Variants in RALB observed in about 807,000 individuals in gnomAD.
The protein encoded by RALB is ras-related protein Ral-B.
RALB carries 16 observed loss-of-function variants against 21.3 expected under a neutral mutation model. The ratio of observed to expected loss-of-function variants is 0.75; its 90% CI spans 0.51 to 1.14. RALB has a LOEUF of 1.14. Among genes scored for constraint, RALB ranks in the 50% most tolerant of loss-of-function variants. The pLI is 0.00. For missense variants in RALB, 161 were observed against 256.2 expected, an observed-to-expected ratio of 0.63 and a Z score of 2.54; for synonymous variants, 93 against 96.1, an observed-to-expected ratio of 0.97 and a Z score of 0.19.
rs1363531153 is a variant in RALB at position 120,292,226 on chromosome 2, T to C, written c.502-915T>C. Among the ~76,000 whole-genome samples, 5 of 152,156 alleles carry C rather than the reference T, an allele frequency of 3.3e-5. No individual in the cohort carries two copies. In the East Asian group the frequency reaches 7.7e-4, roughly 23 times the overall value. ...GACATCACAAGGGTCGGAGGAGTGG[T>C]TGTCCTGAGATTGAGGGTGGGGGAG... On this transcript the variant is annotated intron_variant, in intron 4 of 4. Coordinates refer to ENST00000272519, the MANE Select transcript of RALB (RefSeq NM_002881.3).
chr2:120,245,061 C>T (rs756839759), intron 1 of RALB, among the ~76,000 whole-genome samples: 2 of 152,226 alleles, frequency 1.3e-5, no homozygotes, highest in African/African-American at 2.4e-5. Flanking sequence ...GTGGGACCTT[C>T]GAGCCACGCT....
chr2:120,279,459 A>C (rs2104639045), intron 2 of RALB, among the ~76,000 whole-genome samples: 1 of 152,342 alleles, frequency 6.6e-6, no homozygotes, highest in South Asian at 2.1e-4. Context: ...CCCAATGAAA[A>C]ATAACAATGC....
At chr2:120,249,071 G>A (rs1573317001), upstream of RALB, among the ~76,000 whole-genome samples, 2 of 141,002 alleles carry the variant, frequency 1.4e-5, no homozygotes, top group East Asian at 4.1e-4. Context: ...GTCTTGCTCT[G>A]TTGCCCAGGC....
chr2:120,284,974 C>G (rs1227292723), intron 2 of RALB, among the ~76,000 whole-genome samples: 13 of 152,142 alleles, frequency 8.5e-5, no homozygotes, highest in Admixed American at 8.5e-4. Context: ...TCATTCCTTT[C>G]TCAAAAACCC....
chr2:120,259,640 T>C (rs1689300102), intron 1 of RALB, among the ~76,000 whole-genome samples: 1 of 152,190 alleles, frequency 6.6e-6, no homozygotes. Flanking sequence ...GAGCTAGATA[T>C]AAAGACTCTC....
At chr2:120,266,888 C>G (rs1689517699) in intron 1 of RALB, among the ~76,000 whole-genome samples, 1 of 152,120 alleles carries the variant, frequency 6.6e-6, no homozygotes, top group Non-Finnish European at 1.5e-5. Context: ...GTGGGACAAA[C>G]AGACCTCATC....
At chr2:120,272,388 GTATACGGA>G (rs1689685642) in intron 1 of RALB, among the ~76,000 whole-genome samples, 1 of 152,180 alleles carries the variant, frequency 6.6e-6, no homozygotes, top group Non-Finnish European at 1.5e-5. Flanking sequence ...TAGGGACAAA[GTATACGGA>G]TACCTGCAAT....
At chr2:120,292,757 G>A (rs1222031839) in intron 4 of RALB, among the ~76,000 whole-genome samples, 5 of 151,842 alleles carry the variant, frequency 3.3e-5, no homozygotes, top group African/African-American at 1.2e-4. Flanking sequence ...TTCAAGACCC[G>A]CCTGGGCAAT....
rs1689092961 is a variant in RALB at position 120,252,972 on chromosome 2, T to C, written c.-56T>C. 3.0e-6 allele frequency: 3 copies of C among 984,756 alleles called. No homozygotes were observed. Among genetic ancestry groups the C allele is most frequent in the Non-Finnish European group, 3.6e-6 (3 of 829,934 alleles). The allele number at this position is 984,756 out of a possible 1,614,324, so 61.0% of individuals were successfully genotyped here. On this transcript the variant is annotated 5_prime_UTR_variant, in exon 1 of 5. Coordinates refer to ENST00000272519, the MANE Select transcript of RALB (RefSeq NM_002881.3). ...GTGCGGACGGCGGAGGCGGCGGGAC[T>C]GGTCCCTGGTAAGGGCGCGGCGCCC...
chr2:120,276,922 C>T (rs1689810833), intron 1 of RALB, among the ~76,000 whole-genome samples: 1 of 152,188 alleles, frequency 6.6e-6, no homozygotes, highest in African/African-American at 2.4e-5. Flanking sequence ...TGCCAGATGC[C>T]CAAGCCCTGC....
chr2:120,293,146 C>G lies in RALB; in HGVS notation c.507C>G (p.Phe169Leu). The G allele has an allele frequency of 2.5e-6, 4 of 1,609,874 alleles. No homozygotes were observed. The highest frequency in any genetic ancestry group is 3.4e-6 in the Non-Finnish European group (4 of 1,178,470). Residue 169 changes from phenylalanine (F) to leucine (L), a missense_variant, in exon 5 of 5, where the codon TTC (phenylalanine) becomes TTG (leucine). Physicochemically the swap from Phe to Leu is conservative, Grantham distance 22. Transcript: ENST00000272519. ...AKTRANVDKV[F>L]FDLMREIRTK... ...TCTTTACTCCTCACCCCCAGGTGTT[C>G]TTTGACCTAATGAGAGAAATCAGAA...
chr2:120,269,421 G>A (rs2104613182), intron 1 of RALB, among the ~76,000 whole-genome samples: 1 of 152,330 alleles, frequency 6.6e-6, no homozygotes, highest in East Asian at 1.9e-4. Flanking sequence ...TGAGCAGGTT[G>A]CTGCTGCTGG....
At chr2:120,253,643 G>C (rs1163658057) in intron 1 of RALB, 1 of 985,530 alleles carries the variant, frequency 1.0e-6, no homozygotes, top group Admixed American at 6.1e-5. Context: ...GGGGCGCGGA[G>C]CTTGCTGCGT....
intron 3 of RALB, among the ~76,000 whole-genome samples, chr2:120,288,379 C>G (rs1366096935): frequency 1.9e-5 from 2 of 103,184 alleles, no homozygotes; most frequent in Non-Finnish European, 3.6e-5. Flanking sequence ...GATACAAGGT[C>G]TCCCTATGTT....
intron 2 of RALB, among the ~76,000 whole-genome samples, chr2:120,285,190 G>A (rs1423609861): frequency 6.6e-6 from 1 of 152,098 alleles, no homozygotes; most frequent in Non-Finnish European, 1.5e-5. Context: ...AGTGCAGAGC[G>A]AAGTGGGGAA....
At chr2:120,260,208 TG>T (rs1190071651) in intron 1 of RALB, among the ~76,000 whole-genome samples, 4 of 151,850 alleles carry the variant, frequency 2.6e-5, no homozygotes, top group South Asian at 2.1e-4. Context: ...CGCAGTGCAG[TG>T]GGGGGACTGA....
intron 1 of RALB, among the ~76,000 whole-genome samples, chr2:120,277,412 C>T (rs1333060339): frequency 6.7e-6 from 1 of 150,190 alleles, no homozygotes; most frequent in Non-Finnish European, 1.5e-5. Context: ...TGTGAACACG[C>T]ATGTGCATGT....
In RALB at chr2:120,286,823, A is replaced by G. The variant is rs140242099; in HGVS notation, c.323+741A>G. On this transcript the variant is annotated intron_variant, in intron 3 of 4. Transcript: ENST00000272519. ...TAGAATATCCATTGTTATTTATTTT[A>G]AAATATGGCAACTATTCTCCATGAA... 2.0e-5 allele frequency among the ~76,000 whole-genome samples: 3 copies of G among 152,350 alleles called. No homozygotes were observed. The East Asian group carries it at 5.8e-4, about 29-fold the overall frequency.
At chr2:120,280,923 TA>T in intron 2 of RALB, 1 of 410,522 alleles carries the variant, frequency 2.4e-6, no homozygotes, top group Non-Finnish European at 4.7e-6. Context: ...TCAGGCAGTT[TA>T]ATTAATAAAA....
Sources: allele counts gnomAD v4.1 joint callset (sites outside exome capture counted in the v4.1 genomes callset), GRCh38; gene constraint gnomAD v4.1.1; transcripts MANE v1.5; gene names NCBI Gene and HGNC (gene_info 2026-07-23, HGNC 2026-07-21).